Variants in TET2 observed in about 807,000 individuals in gnomAD.
TET2 encodes tet methylcytosine dioxygenase 2, also known as methylcytosine dioxygenase TET2.
In TET2, 299 loss-of-function variants were observed where a neutral mutation model predicts 142.9. That is an observed-to-expected ratio of 2.09 (90% CI 1.90 to 2.30). The LOEUF (loss-of-function observed/expected upper bound fraction) is 2.30, where lower values mean the gene tolerates loss of function less well. Among genes scored for constraint, TET2 ranks in the 30% most tolerant of loss-of-function variants. The pLI is 0.00. For synonymous variants in TET2, 819 were observed against 849.0 expected (o/e 0.96, Z 0.61); for missense variants, 2,418 against 2,378.0 (o/e 1.02, Z -0.35).
chr4:105,151,855 A>G (rs749673052), intron 1 of TET2, among the ~76,000 whole-genome samples: 11 of 152,078 alleles, frequency 7.2e-5, no homozygotes, highest in Non-Finnish European at 1.5e-4. Context: ...CAGGTGGATG[A>G]CCTGAGGTCA....
At chr4:105,169,976 G>A (rs1238873322) in intron 1 of TET2, among the ~76,000 whole-genome samples, 2 of 152,012 alleles carry the variant, frequency 1.3e-5, no homozygotes, top group African/African-American at 4.8e-5. Context: ...CTGTTTTGGT[G>A]TCTATGGCCT....
Position 105,234,429 on chromosome 4 carries a change from T to C in TET2, c.487T>C (p.Phe163Leu), listed in dbSNP as rs774068843. ...SVAQENAVKD[F>L]TSFSTHNCSG... ...AGCCCAAGAAAATGCAGTTAAAGAT[T>C]TCACCAGTTTTTCAACACATAACTG... is the stretch of plus-strand genomic sequence containing the variant. The change falls in exon 3 of 11, where the codon TTC becomes CTC. Residue 163 changes from phenylalanine (F) to leucine (L), a missense_variant. Transcript: ENST00000380013. 6.2e-7 allele frequency: 1 copy of C among 1,613,916 alleles called. No homozygotes were observed. The highest frequency in any genetic ancestry group is 1.1e-5 in the South Asian group (1 of 91,048).
chr4:105,259,019 T>C (rs1560563018), intron 6 of TET2, among the ~76,000 whole-genome samples: 1 of 152,244 alleles, frequency 6.6e-6, no homozygotes, highest in East Asian at 1.9e-4. Context: ...ATCCCAAACA[T>C]AATGGAAAAA....
intron 2 of TET2, among the ~76,000 whole-genome samples, chr4:105,210,274 TCA>T (rs1404345272): frequency 6.6e-6 from 1 of 152,148 alleles, no homozygotes; most frequent in East Asian, 1.9e-4. Flanking sequence ...ATAAAATAGG[TCA>T]TTCAGTAAAT....
intron 1 of TET2, among the ~76,000 whole-genome samples, chr4:105,158,820 A>G (rs868096157): frequency 1.3e-5 from 2 of 152,056 alleles, no homozygotes; most frequent in Admixed American, 6.5e-5. Flanking sequence ...GGAAAAAAAA[A>G]AAGAAAGAAA....
At chr4:105,195,734 A>T (rs774901189) in intron 2 of TET2, among the ~76,000 whole-genome samples, 2 of 152,232 alleles carry the variant, frequency 1.3e-5, no homozygotes, top group South Asian at 2.1e-4. Flanking sequence ...GAGTATTTTG[A>T]TCTGTGATTG....
intron 3 of TET2, chr4:105,239,492 G>A (rs1279170975): frequency 1.3e-5 from 3 of 239,178 alleles, no homozygotes; most frequent in African/African-American, 6.7e-5. Context: ...AGAGACAGCT[G>A]CGCTTCTTAA....
In TET2 at chr4:105,275,735, C is replaced by A. The variant is rs1426658244; in HGVS notation, c.5225C>A (p.Pro1742His). The part of the protein sequence containing the change: ...HFMGATSRLP[P>H]NLSNPNMDYK... ...ATGGGAGCCACCTCTAGATTACCAC[C>A]CAATCTGAGCAATCCAAACATGGAC... Residue 1742 changes from proline to histidine, a missense_variant, in exon 11 of 11, where the codon CCC becomes CAC. Pro to His is a moderately conservative substitution (Grantham distance 77). Transcript: ENST00000380013. 2.6e-6 allele frequency: 4 copies of A among 1,551,644 alleles called. No individual in the cohort carries two copies. In the African/African-American group the frequency reaches 5.5e-5, roughly 21 times the overall value.
rs750391694 is a variant in TET2 at position 105,235,393 on chromosome 4, G to A, written c.1451G>A (p.Cys484Tyr). The A allele has an allele frequency of 3.1e-6, 5 of 1,614,052 alleles. No homozygotes were observed. The highest frequency in any genetic ancestry group is 4.2e-6 in the Non-Finnish European group (5 of 1,180,030). The change falls in exon 3 of 11, where the codon TGT becomes TAT. Residue 484 changes from cysteine to tyrosine, a missense_variant. Transcript: ENST00000380013. ...PMLSERPQNN[C>Y]VNRNDIQTAG... ...CTTTCTGAAAGGCCTCAGAATAATT[G>A]TGTGAACAGGAATGACATACAGACT...
chr4:105,269,891 T>C (rs544998104), intron 9 of TET2, 144 bp downstream of exon 9: 294 of 983,666 alleles, frequency 3.0e-4, no homozygotes, highest in Non-Finnish European at 6.5e-5. Context: ...CTCACAATCA[T>C]AGCTGAAGGC....
chr4:105,241,803 G>T, intron 4 of TET2: 1 of 1,249,304 alleles, frequency 8.0e-7, no homozygotes, highest in Non-Finnish European at 1.0e-6. Context: ...GTAAAGTGTG[G>T]TATAAGAAAA....
At chr4:105,193,769 TA>T (rs1725922523) in intron 2 of TET2, among the ~76,000 whole-genome samples, 1 of 152,208 alleles carries the variant, frequency 6.6e-6, no homozygotes, top group Admixed American at 6.5e-5. Flanking sequence ...ATGAGTCAGT[TA>T]AGACAATCAG....
intron 1 of TET2, among the ~76,000 whole-genome samples, chr4:105,159,251 CTT>C (rs779676545): frequency 6.7e-5 from 9 of 134,550 alleles, no homozygotes; most frequent in Admixed American, 7.5e-5. Context: ...TTCTTTCTTT[CTT>C]TTTTTTTTTT....
chr4:105,205,357 G>A (rs1560751095), intron 2 of TET2, among the ~76,000 whole-genome samples: 3 of 151,996 alleles, frequency 2.0e-5, no homozygotes, highest in Non-Finnish European at 4.4e-5. Context: ...TCATTTATCT[G>A]TTGTTTCAAT....
At chr4:105,243,019 A>T in intron 5 of TET2, 92 bp downstream of exon 5, 1 of 986,696 alleles carries the variant, frequency 1.0e-6, no homozygotes, top group Non-Finnish European at 1.5e-6. Context: ...CAGATCAAAG[A>T]CTCATGCCAG....
chr4:105,242,978 T>C lies in TET2; in HGVS notation c.3594+51T>C. 2.8e-6 allele frequency: 4 copies of C among 1,443,100 alleles called. No individual in the cohort carries two copies. The Admixed American group carries it at 7.9e-5, about 29-fold the overall frequency. The allele number at this position is 1,443,100 out of a possible 1,614,324, so 89.4% of individuals were successfully genotyped here. A position where few individuals can be genotyped will look rare whatever the true frequency, so the allele number is the denominator to read the frequency against. On this transcript the variant is annotated intron_variant, in intron 5 of 10. Transcript: ENST00000380013. ...GGTCTTAAATCTTGGGCATTTTGAT[T>C]TGTAAATCTGACCCTGAGAATTGGG...
chr4:105,190,794 C>T, intron 2 of TET2: 1 of 299,662 alleles, frequency 3.3e-6, no homozygotes, highest in Non-Finnish European at 6.2e-6. Context: ...TCAAATGTAA[C>T]TATAAACATA....
intron 2 of TET2, among the ~76,000 whole-genome samples, chr4:105,194,456 T>C (rs1333355277): frequency 6.6e-6 from 1 of 152,172 alleles, no homozygotes; most frequent in Non-Finnish European, 1.5e-5. Flanking sequence ...TAGCTTTTCT[T>C]ATTGGCCCAA....
At chr4:105,270,375 A>G (rs752153603) in intron 9 of TET2, among the ~76,000 whole-genome samples, 9 of 152,216 alleles carry the variant, frequency 5.9e-5, no homozygotes, top group Admixed American at 1.3e-4. Flanking sequence ...ACCAGTGACT[A>G]TGCATTGCCA....
Sources: gnomAD v4.1 joint callset for allele counts (sites outside exome capture counted in the v4.1 genomes callset) on GRCh38, gnomAD v4.1.1 for gene constraint, MANE v1.5 for transcripts, NCBI Gene and HGNC (gene_info 2026-07-23, HGNC 2026-07-21) for gene names.